The following NCALD variants were observed in gnomAD, a reference collection of about 807,000 sequenced individuals.
NCALD encodes neurocalcin-delta.
NCALD carries 10 observed loss-of-function variants against 18.6 expected under a neutral mutation model. The observed-to-expected ratio is 0.54, with a 90% confidence interval of 0.33 to 0.91. The LOEUF (loss-of-function observed/expected upper bound fraction) is 0.91. NCALD is among the 40% of genes least tolerant of loss of function. The pLI, the probability that NCALD is intolerant of heterozygous loss-of-function variation, is 0.03. For synonymous variants in NCALD, 88 were observed against 87.4 expected, an observed-to-expected ratio of 1.01 and a Z score of -0.04; for missense variants, 184 against 247.6, an observed-to-expected ratio of 0.74 and a Z score of 1.72.
chr8:101,990,548 C>T (rs999569338), intron 2 of NCALD, among the ~76,000 whole-genome samples: 7 of 152,252 alleles, frequency 4.6e-5, no homozygotes, highest in Admixed American at 4.6e-4. Flanking sequence ...GTGTCTTTCC[C>T]TTGCTGTTCT....
At chr8:101,869,437 G>A (rs1245078961) in intron 4 of NCALD, among the ~76,000 whole-genome samples, 1 of 152,196 alleles carries the variant, frequency 6.6e-6, no homozygotes, top group African/African-American at 2.4e-5. Context: ...CATCCAGAAG[G>A]AATGCAGCCC....
intron 3 of NCALD, among the ~76,000 whole-genome samples, chr8:101,894,004 C>A (rs1383629019): frequency 4.1e-5 from 6 of 145,912 alleles, no homozygotes; most frequent in Admixed American, 6.7e-5. Context: ...AAGCTCTCCA[C>A]CAAGTGGACC....
intron 1 of NCALD, among the ~76,000 whole-genome samples, chr8:101,728,645 C>T (rs1185882919): frequency 2.6e-5 from 4 of 152,100 alleles, no homozygotes; most frequent in African/African-American, 9.7e-5. Context: ...ACGGTGAAAC[C>T]CCATCTCTAC....
At chr8:101,921,722 A>G (rs1818172029) in intron 2 of NCALD, among the ~76,000 whole-genome samples, 1 of 152,202 alleles carries the variant, frequency 6.6e-6, no homozygotes, top group African/African-American at 2.4e-5. Context: ...TAGTTCCAAC[A>G]ATCTAAGAAT....
At chr8:102,119,135 A>C (rs897427093) in intron 1 of NCALD, among the ~76,000 whole-genome samples, 17 of 152,214 alleles carry the variant, frequency 1.1e-4, no homozygotes, top group Non-Finnish European at 2.2e-4. Flanking sequence ...TATTCACAGC[A>C]GTGTTTTCAC....
chr8:101,928,905 T>C (rs1170007567), intron 2 of NCALD, among the ~76,000 whole-genome samples: 7 of 151,996 alleles, frequency 4.6e-5, no homozygotes, highest in African/African-American at 1.7e-4. Context: ...TATTGTGTAC[T>C]GGGAGGACTG....
chr8:101,954,456 C>T (rs377612495), intron 2 of NCALD, among the ~76,000 whole-genome samples: 1 of 152,194 alleles, frequency 6.6e-6, no homozygotes. Flanking sequence ...ACCTCTCATA[C>T]TTCTCCCCTC....
intron 2 of NCALD, among the ~76,000 whole-genome samples, chr8:101,970,391 C>T (rs977984314): frequency 6.6e-6 from 1 of 152,004 alleles, no homozygotes; most frequent in African/African-American, 2.4e-5. Context: ...AAAATATTTC[C>T]TTGCAAATTT....
chr8:101,786,949 T>C (rs1174912886), intron 1 of NCALD, among the ~76,000 whole-genome samples: 1 of 152,202 alleles, frequency 6.6e-6, no homozygotes, highest in African/African-American at 2.4e-5. Flanking sequence ...TAAAGTTCAC[T>C]ACTGAGATAA....
chr8:101,816,143 G>A (rs147366762), intron 4 of NCALD, among the ~76,000 whole-genome samples: 172 of 152,222 alleles, frequency 1.1e-3, no homozygotes, highest in African/African-American at 3.9e-3. Context: ...GTCAGAGGGA[G>A]GCGGATTTAC....
intron 1 of NCALD, among the ~76,000 whole-genome samples, chr8:102,118,469 A>T: frequency 6.6e-6 from 1 of 152,210 alleles, no homozygotes. Context: ...ATGCTGGAGG[A>T]GGAATCTTTC....
chr8:102,080,559 G>C (rs1824493698), intron 1 of NCALD, among the ~76,000 whole-genome samples: 1 of 152,184 alleles, frequency 6.6e-6, no homozygotes, highest in African/African-American at 2.4e-5. Flanking sequence ...GCTGGTTAGG[G>C]AGAAGGAATT....
chr8:101,930,248 A>G (rs941584729), intron 2 of NCALD, among the ~76,000 whole-genome samples: 1 of 152,036 alleles, frequency 6.6e-6, no homozygotes, highest in Non-Finnish European at 1.5e-5. Flanking sequence ...AGTGACTGTA[A>G]ATTACATAAA....
chr8:102,117,801 C>T (rs1825835481), intron 1 of NCALD, among the ~76,000 whole-genome samples: 1 of 152,146 alleles, frequency 6.6e-6, no homozygotes, highest in Admixed American at 6.5e-5. Flanking sequence ...GCACCCACAC[C>T]ACCTATTGAC....
At position 101,687,139 on chromosome 8, in the gene NCALD, G is replaced by A. The variant is rs1814505716; in HGVS notation, c.*2170C>T. 6.6e-6 allele frequency: 1 copy of A among 152,240 alleles called. No homozygotes were observed. Among genetic ancestry groups the A allele is most frequent in the African/African-American group, 2.4e-5 (1 of 41,432 alleles). The allele number at this position is 152,240 out of a possible 1,614,324, so 9.4% of individuals were successfully genotyped here. A position where few individuals can be genotyped will look rare whatever the true frequency, so the allele number is the denominator to read the frequency against. The stretch of plus-strand genomic sequence containing the variant: ...CCTCACTCCAGCTCTAGGTTCCAAG[G>A]AACAGAGTGGGTCTGGCTCAGCGAG... On this transcript the variant is annotated 3_prime_UTR_variant, in exon 4 of 4. Coordinates refer to ENST00000220931, the MANE Select transcript of NCALD (RefSeq NM_032041.3).
intron 4 of NCALD, among the ~76,000 whole-genome samples, chr8:101,852,081 C>T (rs1345214945): frequency 2.6e-5 from 4 of 152,274 alleles, no homozygotes; most frequent in African/African-American, 4.8e-5. Context: ...GCATCTTGAA[C>T]TGAACTTCCC....
intron 1 of NCALD, among the ~76,000 whole-genome samples, chr8:101,768,723 C>CAAAA (rs71268528): frequency 1.5e-5 from 2 of 136,864 alleles, no homozygotes; most frequent in African/African-American, 2.8e-5. Flanking sequence ...AACAAAAAAA[C>CAAAA]AAAAAAAAAA....
chr8:102,018,164 C>G (rs1822153108), intron 2 of NCALD, among the ~76,000 whole-genome samples: 1 of 152,130 alleles, frequency 6.6e-6, no homozygotes, highest in Admixed American at 6.5e-5. Flanking sequence ...ATTTTGGAAA[C>G]AGTTTGGGGG....
chr8:101,712,384 A>G (rs982242963), intron 2 of NCALD, among the ~76,000 whole-genome samples: 2 of 152,174 alleles, frequency 1.3e-5, no homozygotes, highest in Non-Finnish European at 2.9e-5. Flanking sequence ...CATCATAATG[A>G]CAGGATCAAA....
Sources: allele counts gnomAD v4.1 joint callset (sites outside exome capture counted in the v4.1 genomes callset), GRCh38; gene constraint gnomAD v4.1.1; transcripts MANE v1.5; gene names NCBI Gene and HGNC (gene_info 2026-07-23, HGNC 2026-07-21).